The following ALDH9A1 variants were observed in gnomAD, a reference collection of about 807,000 sequenced individuals.
The protein encoded by ALDH9A1 is aldehyde dehydrogenase 9 family member A1.
A neutral mutation model predicts 56.6 loss-of-function variants in ALDH9A1; 42 were observed. The ratio of observed to expected loss-of-function variants is 0.74; its 90% CI spans 0.58 to 0.96. The LOEUF (loss-of-function observed/expected upper bound fraction) is 0.96. Among genes scored for constraint, ALDH9A1 ranks in the 40% least tolerant of loss-of-function variants. ALDH9A1 has a pLI of 0.00. For missense variants in ALDH9A1, 661 were observed against 651.5 expected (o/e 1.01, Z -0.16); for synonymous variants, 242 against 236.0 (o/e 1.03, Z -0.23).
At chr1:165,685,261 A>G (rs4646888) in intron 2 of ALDH9A1, among the ~76,000 whole-genome samples, 110,170 of 152,088 alleles carry the variant, frequency 0.72, 40,345 homozygotes, top group East Asian at 0.98. Context: ...AGAAGCCAAG[A>G]GTAGGTCCCT....
chr1:165,671,954 A>G (rs1034799130), intron 6 of ALDH9A1, among the ~76,000 whole-genome samples: 1 of 152,242 alleles, frequency 6.6e-6, no homozygotes, highest in African/African-American at 2.4e-5. Context: ...CAAGAAAATA[A>G]GAAAATAACA....
intron 9 of ALDH9A1, 85 bp downstream of exon 9, chr1:165,667,224 T>A: frequency 6.5e-7 from 1 of 1,533,252 alleles, no homozygotes; most frequent in Admixed American, 1.9e-5. Context: ...CAAACTAAAG[T>A]GAGAGAATAG....
At chr1:165,663,703 G>A (rs1042000253) in intron 10 of ALDH9A1, among the ~76,000 whole-genome samples, 5 of 152,202 alleles carry the variant, frequency 3.3e-5, no homozygotes, top group African/African-American at 1.2e-4. Flanking sequence ...GGCCCTGCCT[G>A]TACACCCTGT....
Position 165,665,066 on chromosome 1 carries a change from A to C in ALDH9A1, c.1414T>G (p.Tyr472Asp). ...LQAGTCFINN[Y>D]NVSPVELPFG... ...GGCAACTCCACTGGGCTGACGTTATAGTTGTTAATGAAGCACGTCCCAGCC... is the reference window on the plus strand; with the variant it reads ...GGCAACTCCACTGGGCTGACGTTATCGTTGTTAATGAAGCACGTCCCAGCC... The change falls in exon 10 of 11, where the codon TAT becomes GAT. Residue 472 changes from tyrosine (Y) to aspartate (D), a missense_variant. By Grantham distance (160) the Tyr-to-Asp change is radical (BLOSUM62 -3). Transcript: ENST00000354775. The C allele has an allele frequency of 6.2e-7, 1 of 1,614,040 alleles. No individual in the cohort carries two copies.
At chr1:165,670,620 A>C (rs570261978) in intron 6 of ALDH9A1, among the ~76,000 whole-genome samples, 1 of 152,312 alleles carries the variant, frequency 6.6e-6, no homozygotes. Flanking sequence ...AATTGGAATA[A>C]AATTATTTGC....
intron 2 of ALDH9A1, 144 bp downstream of exon 2, chr1:165,695,108 A>G: frequency 1.2e-6 from 1 of 866,714 alleles, no homozygotes; most frequent in Non-Finnish European, 1.6e-6. Flanking sequence ...AACTTGTTTT[A>G]TATACTAAGG....
chr1:165,669,091 G>T, intron 7 of ALDH9A1, 78 bp from the exon 8 acceptor site: 1 of 1,392,000 alleles, frequency 7.2e-7, no homozygotes, highest in Non-Finnish European at 9.9e-7. Context: ...ATTGTATCCC[G>T]AACAAACACA....
In ALDH9A1 at chr1:165,680,668, A is replaced by T; in HGVS notation, c.608T>A (p.Phe203Tyr). 6.2e-7 allele frequency: 1 copy of T among 1,611,578 alleles called. No homozygotes were observed. The highest frequency in any genetic ancestry group is 8.5e-7 in the Non-Finnish European group (1 of 1,179,180). The change falls in exon 5 of 11, where the codon TTT becomes TAT. Residue 203 changes from phenylalanine to tyrosine, a missense_variant. Physicochemically the swap from Phe to Tyr is conservative, Grantham distance 22 (BLOSUM62 3). Transcript: ENST00000354775. ...AACAGGTGTAAAGGGAGAAGGTTTA[A>T]AGACCATGGCATTACCTGCATAAAC... ...PALACGNAMV[F>Y]KPSPFTPVSA...
Position 165,662,824 on chromosome 1 carries a change from G to A in ALDH9A1, c.*226C>T, listed in dbSNP as rs1250997406. ...CTCTTAAAAGATTTCACAAAAATAC[G>A]CTTTGAGGAGAATCACAGCTTTCTT... On this transcript the variant is annotated 3_prime_UTR_variant, in exon 11 of 11. Coordinates refer to ENST00000354775, the MANE Select transcript of ALDH9A1 (RefSeq NM_000696.4). 3 of 514,450 alleles carry A rather than the reference G, an allele frequency of 5.8e-6. No homozygotes were observed. Among genetic ancestry groups the A allele is most frequent in the Admixed American group, 3.4e-5 (1 of 29,480 alleles). The allele number at this position is 514,450 out of a possible 1,614,324, so 31.9% of individuals were successfully genotyped here.
intron 2 of ALDH9A1, among the ~76,000 whole-genome samples, chr1:165,692,020 C>A (rs560541690): frequency 2.6e-5 from 4 of 152,290 alleles, no homozygotes; most frequent in Non-Finnish European, 4.4e-5. Context: ...TTTCAACAGC[C>A]CTTCATGCTA....
intron 2 of ALDH9A1, among the ~76,000 whole-genome samples, chr1:165,684,099 G>A (rs1453507531): frequency 6.6e-6 from 1 of 152,114 alleles, no homozygotes; most frequent in Non-Finnish European, 1.5e-5. Flanking sequence ...AAAGATGAAA[G>A]TAGGAATATG....
intron 2 of ALDH9A1, among the ~76,000 whole-genome samples, chr1:165,687,209 T>C (rs1195440036): frequency 6.6e-6 from 1 of 151,690 alleles, no homozygotes; most frequent in Non-Finnish European, 1.5e-5. Flanking sequence ...GAAAATGAAC[T>C]GAGCATCAGT....
intron 2 of ALDH9A1, among the ~76,000 whole-genome samples, chr1:165,693,014 G>A (rs1007265026): frequency 5.3e-5 from 8 of 151,812 alleles, no homozygotes; most frequent in Non-Finnish European, 8.8e-5. Flanking sequence ...CTAGCCATAT[G>A]TAGAAAGCTG....
rs374541291 is a variant in ALDH9A1, at chr1:165,679,560, C to T, written c.812G>A (p.Gly271Glu). The change falls in exon 6 of 11, where the codon GGA (glycine) becomes GAA (glutamate). Residue 271 changes from glycine (G) to glutamate (E), a missense_variant. Transcript: ENST00000354775. ...GMKIMEMSAKGIKPVTLELGG... is the reference protein window; with the variant it reads ...GMKIMEMSAKEIKPVTLELGG... ...AAGTTCCAAGGTAACAGGTTTGATTCCTTTAGCTGACATCTCCATGATCTT... is the reference window on the plus strand; with the variant it reads ...AAGTTCCAAGGTAACAGGTTTGATTTCTTTAGCTGACATCTCCATGATCTT... 3.1e-5 allele frequency: 50 copies of T among 1,614,122 alleles called. No homozygotes were observed. In the East Asian group the frequency reaches 9.4e-4, roughly 30 times the overall value.
In ALDH9A1 at chr1:165,698,514, G is replaced by A; in HGVS notation, c.45C>T (p.Arg15=). 6.2e-7 allele frequency: 1 copy of A among 1,610,780 alleles called. No homozygotes were observed. Among genetic ancestry groups the A allele is most frequent in the African/African-American group, 1.3e-5 (1 of 74,468 alleles). Residue 15 remains arginine (R), a synonymous_variant, in exon 1 of 11, where the codon CGC becomes CGT. Transcript: ENST00000354775. ...CGGCGACAGGAGAGGGCCGAAGACT[G>A]CGAAGAAGCGGGGAGAGCGCGGCCA... ...AGLAALSPLL[R]SLRPSPVAAM...
chr1:165,671,689 C>T, intron 6 of ALDH9A1: 2 of 456,374 alleles, frequency 4.4e-6, no homozygotes, highest in Non-Finnish European at 8.5e-6. Context: ...TCTCTCCCAA[C>T]TGGAAATATG....
intron 1 of ALDH9A1, among the ~76,000 whole-genome samples, chr1:165,697,735 G>C (rs930688511): frequency 1.3e-5 from 2 of 151,986 alleles, no homozygotes; most frequent in Admixed American, 1.3e-4. Flanking sequence ...GGTTTTAAAA[G>C]GGGGAACAGT....
intron 6 of ALDH9A1, among the ~76,000 whole-genome samples, chr1:165,675,733 T>C (rs1311545344): frequency 6.6e-6 from 1 of 152,214 alleles, no homozygotes; most frequent in Non-Finnish European, 1.5e-5. Context: ...CAAATGAATC[T>C]GTTATTTTAA....
At chr1:165,686,518 T>TAAAA (rs369196873) in intron 2 of ALDH9A1, among the ~76,000 whole-genome samples, 21,393 of 147,532 alleles carry the variant, frequency 0.15, 2,268 homozygotes, top group East Asian at 0.57. Flanking sequence ...TTTTTTTTTT[T>TAAAA]AAAAAAAAAA....
Sources: allele counts gnomAD v4.1 joint callset (sites outside exome capture counted in the v4.1 genomes callset), GRCh38; gene constraint gnomAD v4.1.1; transcripts MANE v1.5; gene names NCBI Gene and HGNC (gene_info 2026-07-23, HGNC 2026-07-21).